CYP27C1: variants seen among roughly 807,000 people sequenced by gnomAD.
The protein encoded by CYP27C1 is cytochrome P450 27C1.
Under a neutral mutation model 40.6 loss-of-function variants are expected in CYP27C1, and 29 were observed. The observed-to-expected ratio is 0.71, with a 90% CI of 0.53 to 0.97. The LOEUF is 0.97. CYP27C1 is among the 50% of genes least tolerant of loss of function. The probability of loss-of-function intolerance (pLI) is 0.00; values close to 1 mark genes in which losing one functional copy is unlikely to be tolerated. For synonymous variants in CYP27C1, 198 were observed against 186.8 expected, an observed-to-expected ratio of 1.06 and a Z score of -0.49; for missense variants, 390 against 485.8, an observed-to-expected ratio of 0.80 and a Z score of 1.85.
rs1233832824 is a variant in CYP27C1 at position 127,196,516 on chromosome 2, A to G, written c.1048-1015T>C. Among the ~76,000 whole-genome samples, 1 of 138,864 alleles carries G rather than the reference A, an allele frequency of 7.2e-6. No homozygotes were observed. Among genetic ancestry groups the G allele is most frequent in the Non-Finnish European group, 1.5e-5 (1 of 64,866 alleles). 91.1% of individuals were successfully genotyped at this position (138,864 alleles called of 152,430 possible). On this transcript the variant is annotated intron_variant, in intron 5 of 8. Coordinates refer to ENST00000664447, the MANE Select transcript of CYP27C1 (RefSeq NM_001367502.1). The surrounding 1 kb of genome is among the most constrained non-coding windows in gnomAD (Gnocchi z 4.5). ...TAAACAAGGAAATGCCACAGTATAA[A>G]GGCCTTTCTCTTTCACCAAAAAAAA... is the stretch of plus-strand genomic sequence containing the variant.
chr2:127,198,073 T>C lies in CYP27C1; in HGVS notation c.1047+1303A>G, dbSNP rs143787926. On this transcript the variant is annotated intron_variant, in intron 5 of 8. Coordinates refer to ENST00000664447, the MANE Select transcript of CYP27C1 (RefSeq NM_001367502.1). ...CTTTCCCATCGGATAGCCTGTGGGTTCCCCCCAGGTTAATGGGCAGTGCTC... is the reference window on the plus strand; with the variant it reads ...CTTTCCCATCGGATAGCCTGTGGGTCCCCCCCAGGTTAATGGGCAGTGCTC... Among the ~76,000 whole-genome samples, 1,120 of 152,084 alleles carry C rather than the reference T, an allele frequency of 7.4e-3. 10 individuals carry two copies. Among genetic ancestry groups the C allele is most frequent in the Non-Finnish European group, 0.012 (840 of 67,982 alleles).
Position 127,193,098 on chromosome 2 carries a change from A to C in CYP27C1, c.1493T>G (p.Ile498Ser), listed in dbSNP as rs1682817955. 1 of 1,614,022 alleles carries C rather than the reference A, an allele frequency of 6.2e-7. No individual in the cohort carries two copies. ...IAELEIHLVV[I>S]QLLQHFEIKT... The stretch of plus-strand genomic sequence containing the variant: ...CGTTTGGCCTCCACGCCCTACCTGG[A>C]TCACGACGAGGTGAATCTCCAGTTC... Residue 498 changes from isoleucine to serine, a missense_variant, in exon 8 of 9, where the codon ATC (isoleucine) becomes AGC (serine). Physicochemically the swap from Ile to Ser is moderately radical, Grantham distance 142. Coordinates refer to ENST00000664447, the MANE Select transcript of CYP27C1 (RefSeq NM_001367502.1).
chr2:127,219,538 C>T lies in CYP27C1; in HGVS notation c.282+451G>A, dbSNP rs895521594. ...GAAACTCCATCCCTGACTCCCCTCCCCGCTACCTCCTCCCCAGGGGTCCCG... is the reference window on the plus strand; with the variant it reads ...GAAACTCCATCCCTGACTCCCCTCCTCGCTACCTCCTCCCCAGGGGTCCCG... On this transcript the variant is annotated intron_variant, in intron 1 of 8. Coordinates refer to ENST00000664447, the MANE Select transcript of CYP27C1 (RefSeq NM_001367502.1). The surrounding 1 kb of genome is among the most constrained non-coding windows in gnomAD (Gnocchi z 8.7). Among the ~76,000 whole-genome samples the T allele has an allele frequency of 3.3e-5, 5 of 151,964 alleles. No homozygotes were observed. The highest frequency in any genetic ancestry group is 5.9e-5 in the Non-Finnish European group (4 of 67,910).
intron 8 of CYP27C1, among the ~76,000 whole-genome samples, chr2:127,188,274 TG>T (rs1682680606): frequency 6.6e-6 from 1 of 152,184 alleles, no homozygotes; most frequent in Non-Finnish European, 1.5e-5. Flanking sequence ...CAGAATGGGC[TG>T]GGGCTCCAGG....
intron 8 of CYP27C1, 56 bp from the exon 9 acceptor site, chr2:127,187,443 T>C (rs1682656605): frequency 5.4e-6 from 8 of 1,471,960 alleles, no homozygotes; most frequent in Non-Finnish European, 6.6e-6. Context: ...AAATTCTCAG[T>C]GCTCCCTGAA....
chr2:127,192,978 T>C, intron 8 of CYP27C1, 116 bp downstream of exon 8: 3 of 1,344,060 alleles, frequency 2.2e-6, no homozygotes, highest in Non-Finnish European at 3.0e-6. Context: ...GCCTGACGGC[T>C]CTTGATCTTA....
At chr2:127,204,535 A>C (rs199976034) in intron 2 of CYP27C1, among the ~76,000 whole-genome samples, 1 of 46,872 alleles carries the variant, frequency 2.1e-5, no homozygotes, top group African/African-American at 7.3e-5. Flanking sequence ...GAAAGAAAGA[A>C]AGAGAGAGAG....
At chr2:127,187,856 T>G (rs1194610894) in intron 8 of CYP27C1, among the ~76,000 whole-genome samples, 1 of 152,154 alleles carries the variant, frequency 6.6e-6, no homozygotes, top group Non-Finnish European at 1.5e-5. Context: ...CCGAAAGACT[T>G]CATCGTGCTA....
At chr2:127,204,555 G>GAAAGAAAGAAAGAAAGAA (rs1490579476) in intron 2 of CYP27C1, among the ~76,000 whole-genome samples, 1 of 39,184 alleles carries the variant, frequency 2.6e-5, no homozygotes, top group African/African-American at 9.5e-5. Context: ...GAGAGAGAGA[G>GAAAGAAAGAAAGAAAGAA]AGAAAGAAAG....
At chr2:127,190,717 C>T (rs1007237144) in intron 8 of CYP27C1, among the ~76,000 whole-genome samples, 37 of 146,006 alleles carry the variant, frequency 2.5e-4, no homozygotes, top group East Asian at 1.0e-3. Flanking sequence ...GAGGCCGAGG[C>T]GATGGATCAC....
At chr2:127,210,687 T>C (rs1460113774) in intron 1 of CYP27C1, among the ~76,000 whole-genome samples, 1 of 135,712 alleles carries the variant, frequency 7.4e-6, no homozygotes, top group African/African-American at 2.7e-5. Context: ...AAGTGAAAAG[T>C]GAAAAAAAAA....
intron 2 of CYP27C1, among the ~76,000 whole-genome samples, chr2:127,204,510 AAAG>A (rs1168850072): frequency 0.011 from 795 of 69,498 alleles, 82 homozygotes; most frequent in African/African-American, 0.034. Context: ...GGAAGGAAAG[AAAG>A]AAGGAAAGAA....
chr2:127,213,173 C>A (rs1237961645), intron 1 of CYP27C1, among the ~76,000 whole-genome samples: 9 of 152,140 alleles, frequency 5.9e-5, no homozygotes, highest in Non-Finnish European at 8.8e-5. Context: ...AGAGAGGACA[C>A]AAACAAATGG....
chr2:127,204,468 GA>G (rs1558930964), intron 2 of CYP27C1, among the ~76,000 whole-genome samples: 1 of 58,684 alleles, frequency 1.7e-5, no homozygotes, highest in Non-Finnish European at 3.4e-5. Flanking sequence ...AAGAAAGAAA[GA>G]AAGAAAGAAA....
Position 127,209,118 on chromosome 2 carries a change from C to G in CYP27C1, c.283-3028G>C, listed in dbSNP as rs1683289635. Among the ~76,000 whole-genome samples the G allele has an allele frequency of 6.6e-6, 1 of 152,142 alleles. No individual in the cohort carries two copies. The highest frequency in any genetic ancestry group is 2.4e-5 in the African/African-American group (1 of 41,424). ...TCCTACTGGCATCAGGTTGATGCCC[C>G]TTGAGGTCAGAGGTCCCAGAAGAAG... is the stretch of plus-strand genomic sequence containing the variant. On this transcript the variant is annotated intron_variant, in intron 1 of 8. Transcript: ENST00000664447. This position sits in a 1 kb window ranked among gnomAD's most constrained non-coding sequence, Gnocchi z 4.1.
chr2:127,215,824 GGAGGGAGGGAGAGAGA>G (rs931292547), intron 1 of CYP27C1, among the ~76,000 whole-genome samples: 66 of 152,078 alleles, frequency 4.3e-4, no homozygotes, highest in African/African-American at 1.5e-3. Context: ...GTAGAGGAAG[GGAGGGAGGGAGAGAGA>G]GAGGGAGGGA....
Position 127,218,798 on chromosome 2 carries a change from A to T in CYP27C1, c.282+1191T>A, listed in dbSNP as rs6710496. On this transcript the variant is annotated intron_variant, in intron 1 of 8. Transcript: ENST00000664447. This position sits in a 1 kb window ranked among gnomAD's most constrained non-coding sequence, Gnocchi z 6.0. ...CTCGGAAGACACCAAAAGCCCCCAT[A>T]CCAGAAATAACAGTGCGTGCTGGGC... 6.6e-6 allele frequency among the ~76,000 whole-genome samples: 1 copy of T among 152,040 alleles called. No individual in the cohort carries two copies. Among genetic ancestry groups the T allele is most frequent in the Non-Finnish European group, 1.5e-5 (1 of 67,990 alleles).
Position 127,195,218 on chromosome 2 carries a change from C to A in CYP27C1, c.1214+117G>T. 1 of 1,284,212 alleles carries A rather than the reference C, an allele frequency of 7.8e-7. No homozygotes were observed. The highest frequency in any genetic ancestry group is 1.1e-6 in the Non-Finnish European group (1 of 919,050). 79.6% of individuals were successfully genotyped at this position (1,284,212 alleles called of 1,614,324 possible). A position where few individuals can be genotyped will look rare whatever the true frequency, so the allele number is the denominator to read the frequency against. On this transcript the variant is annotated intron_variant, in intron 6 of 8. Coordinates refer to ENST00000664447, the MANE Select transcript of CYP27C1 (RefSeq NM_001367502.1). The surrounding 1 kb of genome is among the most constrained non-coding windows in gnomAD (Gnocchi z 6.2). ...ACAAGAGCAGAGAAAAAATAACAGTCACGAACATCCTCATCCTGAACAGGT... is the reference window on the plus strand; with the variant it reads ...ACAAGAGCAGAGAAAAAATAACAGTAACGAACATCCTCATCCTGAACAGGT...
rs369666216 is a variant in CYP27C1, at chr2:127,200,242, A to G, written c.884-703T>C. On this transcript the variant is annotated intron_variant, in intron 4 of 8. Coordinates refer to ENST00000664447, the MANE Select transcript of CYP27C1 (RefSeq NM_001367502.1). The surrounding 1 kb of genome is among the most constrained non-coding windows in gnomAD (Gnocchi z 4.2). ...TGATCCTCCCACCTCGGCCTCCCAA[A>G]GTGCTGGGATTACAGGCGTGAGCCA... is the stretch of plus-strand genomic sequence containing the variant. Among the ~76,000 whole-genome samples the G allele has an allele frequency of 4.6e-5, 7 of 152,348 alleles. No homozygotes were observed. The East Asian group carries it at 9.7e-4, about 21-fold the overall frequency.
Sources: allele counts gnomAD v4.1 joint callset (sites outside exome capture counted in the v4.1 genomes callset), GRCh38; gene constraint gnomAD v4.1.1; non-coding constraint Gnocchi (gnomAD v3.1); transcripts MANE v1.5; gene names NCBI Gene and HGNC (gene_info 2026-07-23, HGNC 2026-07-21).